Variants in MGAM2 observed in about 807,000 individuals in gnomAD.
MGAM2 encodes the protein probable maltase-glucoamylase 2.
Under a neutral mutation model 96.1 loss-of-function variants are expected in MGAM2, and 98 were observed. That is an observed-to-expected ratio of 1.02 (90% CI 0.87 to 1.21). The LOEUF (loss-of-function observed/expected upper bound fraction) is 1.21. Among genes scored for constraint, MGAM2 ranks in the 50% most tolerant of loss-of-function variants. MGAM2 has a pLI of 0.00. For missense variants in MGAM2, 2,055 were observed against 1,182.4 expected, an observed-to-expected ratio of 1.74 and a Z score of -10.82; for synonymous variants, 749 against 414.8, an observed-to-expected ratio of 1.81 and a Z score of -9.79.
intron 3 of MGAM2, among the ~76,000 whole-genome samples, chr7:142,130,438 C>T (rs1438116969): frequency 6.6e-6 from 1 of 152,174 alleles, no homozygotes; most frequent in African/African-American, 2.4e-5. Context: ...GTTTTTGGCA[C>T]AAGAAATGTG....
chr7:142,220,983 G>A lies in MGAM2; in HGVS notation c.6472G>A (p.Val2158Ile), dbSNP rs1361409804. ...TACTAATGCTAGCACTAGTACTAAT[G>A]TTGCTAATATAACTGCTACCTCTCA... Reference protein sequence around the residue: ...NTTNASTSTNVANITATSHTS... With the variant: ...NTTNASTSTNIANITATSHTS... The change falls in exon 48 of 48, where the codon GTT becomes ATT. Residue 2158 changes from valine to isoleucine, a missense_variant. Transcript: ENST00000477922. 1 of 702,106 alleles carries A rather than the reference G, an allele frequency of 1.4e-6. No homozygotes were observed. The highest frequency in any genetic ancestry group is 2.0e-5 in the Admixed American group (1 of 49,894). 43.5% of individuals were successfully genotyped at this position (702,106 alleles called of 1,614,324 possible). A position where few individuals can be genotyped will look rare whatever the true frequency, so the allele number is the denominator to read the frequency against.
chr7:142,189,065 C>T (rs886381200), intron 36 of MGAM2, among the ~76,000 whole-genome samples: 2 of 152,136 alleles, frequency 1.3e-5, no homozygotes, highest in African/African-American at 4.8e-5. Context: ...GTGGAAGAAA[C>T]AGTCCTAACA....
intron 3 of MGAM2, among the ~76,000 whole-genome samples, chr7:142,126,085 A>G (rs1345080558): frequency 6.6e-6 from 1 of 152,066 alleles, no homozygotes; most frequent in Non-Finnish European, 1.5e-5. Context: ...AAGGCATTTG[A>G]ATTTACCACA....
chr7:142,134,146 C>T lies in MGAM2; in HGVS notation c.741C>T (p.Pro247=), dbSNP rs77189403. Residue 247 remains proline, a synonymous_variant, in exon 7 of 48, where the codon CCC becomes CCT. Transcript: ENST00000477922. ...CCATCTTCACCCGGGACGCTACCCC[C>T]ACCGAGGTGAGGTGGCTTTCCTCCT... The part of the protein sequence containing the change: ...TWPIFTRDAT[P]TEGMINLYGA... The T allele has an allele frequency of 1.0e-3, 779 of 742,872 alleles. 2 individuals are homozygous for T. The African/African-American group carries it at 0.012, about 11-fold the overall frequency. 46.0% of individuals were successfully genotyped at this position (742,872 alleles called of 1,614,324 possible). A position where few individuals can be genotyped will look rare whatever the true frequency, so the allele number is the denominator to read the frequency against.
intron 31 of MGAM2, 103 bp downstream of exon 31, chr7:142,173,457 C>T (rs1049559082): frequency 1.6e-6 from 1 of 609,708 alleles, no homozygotes; most frequent in Non-Finnish European, 3.0e-6. Flanking sequence ...TAACTTGATA[C>T]ATTCAGGCTG....
In MGAM2 at chr7:142,173,327, T is replaced by C. The variant is rs1255809401; in HGVS notation, c.3660T>C (p.Asp1220=). ...QNDAEISSLY[D]AMVAAQIPYD... ...ATGCTGAAATCTCCAGTTTGTATGA[T>C]GCAATGGTGGCAGCCCAGATTCCCT... Residue 1220 remains aspartate, a synonymous_variant, in exon 31 of 48, where the codon GAT becomes GAC. Transcript: ENST00000477922. The C allele has an allele frequency of 1.0e-5, 7 of 702,746 alleles. No individual in the cohort carries two copies. The highest frequency in any genetic ancestry group is 2.0e-5 in the Admixed American group (1 of 49,986). The allele number at this position is 702,746 out of a possible 1,614,324, so 43.5% of individuals were successfully genotyped here. A position where few individuals can be genotyped will look rare whatever the true frequency, so the allele number is the denominator to read the frequency against.
chr7:142,176,973 A>G (rs1796398346), intron 32 of MGAM2, among the ~76,000 whole-genome samples: 1 of 152,058 alleles, frequency 6.6e-6, no homozygotes, highest in Non-Finnish European at 1.5e-5. Flanking sequence ...TTAACATCTT[A>G]TTTATTTGTT....
intron 15 of MGAM2, among the ~76,000 whole-genome samples, chr7:142,149,795 C>T (rs1478349164): frequency 1.3e-5 from 2 of 152,090 alleles, no homozygotes; most frequent in Admixed American, 1.3e-4. Flanking sequence ...CCCGCCTTGG[C>T]CTCCCAAAGT....
intron 32 of MGAM2, among the ~76,000 whole-genome samples, chr7:142,177,038 G>A (rs1381646596): frequency 6.6e-6 from 1 of 152,104 alleles, no homozygotes; most frequent in Non-Finnish European, 1.5e-5. Context: ...GATTCAGTGT[G>A]TACATATGTA....
rs1177889378 is a variant in MGAM2, at chr7:142,166,152, A to C, written c.2707A>C (p.Arg903=). ...GLVLGQEFSI[R]WNLPVSDLEK... ...GGTACTGGGACAAGAATTCTCTATT[A>C]GGTGGAATCTTCCTGTCAGTGACCT... The change falls in exon 25 of 48, where the codon AGG becomes CGG. Residue 903 remains arginine (R), a synonymous_variant. Transcript: ENST00000477922. The C allele has an allele frequency of 1.4e-6, 1 of 702,442 alleles. No individual in the cohort carries two copies. Among genetic ancestry groups the C allele is most frequent in the Non-Finnish European group, 2.6e-6 (1 of 384,782 alleles). 43.5% of individuals were successfully genotyped at this position (702,442 alleles called of 1,614,324 possible).
chr7:142,166,700 C>T (rs1477267101), intron 25 of MGAM2, among the ~76,000 whole-genome samples: 1 of 152,050 alleles, frequency 6.6e-6, no homozygotes. Flanking sequence ...CTCCTGTCTC[C>T]CTATCAAACT....
At chr7:142,201,518 G>C (rs1797232565) in intron 45 of MGAM2, among the ~76,000 whole-genome samples, 1 of 152,154 alleles carries the variant, frequency 6.6e-6, no homozygotes, top group Admixed American at 6.5e-5. Context: ...TAAGAATACA[G>C]TTAGGTTTTG....
intron 15 of MGAM2, among the ~76,000 whole-genome samples, chr7:142,149,607 C>A (rs955360334): frequency 4.0e-5 from 6 of 151,724 alleles, no homozygotes; most frequent in Non-Finnish European, 7.4e-5. Context: ...GTGGTGCGAT[C>A]TCGGCTCACT....
rs1795065192 is a variant in MGAM2, at chr7:142,136,588, A to C, written c.795A>C (p.Glu265Asp). 1.4e-6 allele frequency: 1 copy of C among 702,678 alleles called. No individual in the cohort carries two copies. The highest frequency in any genetic ancestry group is 1.7e-5 in the African/African-American group (1 of 57,200). 43.5% of individuals were successfully genotyped at this position (702,678 alleles called of 1,614,324 possible). A position where few individuals can be genotyped will look rare whatever the true frequency, so the allele number is the denominator to read the frequency against. The change falls in exon 8 of 48, where the codon GAA (glutamate) becomes GAC (aspartate). Residue 265 changes from glutamate to aspartate, a missense_variant. Glu to Asp is a conservative substitution (Grantham distance 45). Transcript: ENST00000477922. ...YGAHTFFLCL[E>D]DARGSSFGVF... ...CTCATACATTCTTCTTGTGCCTTGA[A>C]GATGCCAGGGGCTCCTCTTTTGGAG...
chr7:142,167,274 T>G lies in MGAM2; in HGVS notation c.2815T>G (p.Ser939Ala), dbSNP rs1321760252. Residue 939 changes from serine (S) to alanine (A), a missense_variant, in exon 26 of 48, where the codon TCT becomes GCT. Transcript: ENST00000477922. ...RQRGCLWEDT[S>A]TPGVPTCYYD... The stretch of plus-strand genomic sequence containing the variant: ...CTTTCTCCTGTTATTCCAGGACACA[T>G]CTACTCCTGGAGTGCCCACCTGTTA... 1.4e-6 allele frequency: 1 copy of G among 692,412 alleles called. No homozygotes were observed. The highest frequency in any genetic ancestry group is 2.6e-6 in the Non-Finnish European group (1 of 378,704). 42.9% of individuals were successfully genotyped at this position (692,412 alleles called of 1,614,324 possible).
At chr7:142,144,474 A>G (rs1267355610) in intron 13 of MGAM2, among the ~76,000 whole-genome samples, 1 of 152,254 alleles carries the variant, frequency 6.6e-6, no homozygotes. Flanking sequence ...ACTCAGAGGA[A>G]TAAAGGATAG....
chr7:142,221,604 G>T lies in MGAM2; in HGVS notation c.7093G>T (p.Asp2365Tyr). ...TACGGTCACTACTACCAGCACCAAAGATAATACCATGAGTCCAGATACAAC... is the reference window on the plus strand; with the variant it reads ...TACGGTCACTACTACCAGCACCAAATATAATACCATGAGTCCAGATACAAC... Reference protein sequence around the residue: ...DATVTTTSTKDNTMSPDTTVT... With the variant: ...DATVTTTSTKYNTMSPDTTVT... The change falls in exon 48 of 48, where the codon GAT (aspartate) becomes TAT (tyrosine). Residue 2365 changes from aspartate (D) to tyrosine (Y), a missense_variant. Coordinates refer to ENST00000477922, the MANE Select transcript of MGAM2 (RefSeq NM_001293626.2). 6.1e-6 allele frequency: 3 copies of T among 490,108 alleles called. No homozygotes were observed. Among genetic ancestry groups the T allele is most frequent in the Non-Finnish European group, 7.1e-6 (2 of 281,002 alleles). The allele number at this position is 490,108 out of a possible 1,614,324, so 30.4% of individuals were successfully genotyped here.
chr7:142,140,017 A>G (rs1795173520), intron 10 of MGAM2, among the ~76,000 whole-genome samples: 1 of 152,216 alleles, frequency 6.6e-6, no homozygotes, highest in Non-Finnish European at 1.5e-5. Context: ...TTTGGGCAAC[A>G]GGCCATAAGC....
intron 46 of MGAM2, among the ~76,000 whole-genome samples, chr7:142,211,782 A>G (rs1797592614): frequency 6.6e-6 from 1 of 152,240 alleles, no homozygotes; most frequent in Non-Finnish European, 1.5e-5. Context: ...GGTATTATCC[A>G]GGAGAATTTT....
Sources: allele counts gnomAD v4.1 joint callset (sites outside exome capture counted in the v4.1 genomes callset), GRCh38; gene constraint gnomAD v4.1.1; transcripts MANE v1.5; gene names NCBI Gene and HGNC (gene_info 2026-07-23, HGNC 2026-07-21).